CNTN4: variants seen among roughly 807,000 people sequenced by gnomAD.
The protein encoded by CNTN4 is contactin-4.
A neutral mutation model predicts 122.5 loss-of-function variants in CNTN4; 77 were observed. The ratio of observed to expected loss-of-function variants is 0.63; its 90% confidence interval spans 0.52 to 0.76. The LOEUF is 0.76. CNTN4 is among the 30% of genes least tolerant of loss of function. The probability of loss-of-function intolerance (pLI) is 0.00; values close to 1 mark genes in which losing one functional copy is unlikely to be tolerated. For synonymous variants in CNTN4, 512 were observed against 447.0 expected, an observed-to-expected ratio of 1.15 and a Z score of -1.83; for missense variants, 1,256 against 1,259.1, an observed-to-expected ratio of 1.00 and a Z score of 0.04.
rs535659732 is a variant in CNTN4 at position 2,427,292 on chromosome 3, A to C, written c.-89+88059A>C. 1.6e-3 allele frequency among the ~76,000 whole-genome samples: 238 copies of C among 152,304 alleles called. 1 individual carries two copies. Among genetic ancestry groups the C allele is most frequent in the African/African-American group, 5.3e-3 (222 of 41,562 alleles). On this transcript the variant is annotated intron_variant, in intron 3 of 24. Coordinates refer to ENST00000418658, the MANE Select transcript of CNTN4 (RefSeq NM_175607.3). The stretch of plus-strand genomic sequence containing the variant: ...TTGTGTCTTTGTTCTCATTGGTTTC[A>C]AAGAACATCTTTATTTCTGCCTTCA...
chr3:2,826,317 G>A (rs1373014597), intron 7 of CNTN4, among the ~76,000 whole-genome samples: 1 of 152,102 alleles, frequency 6.6e-6, no homozygotes, highest in African/African-American at 2.4e-5. Flanking sequence ...TTGAGTCCCT[G>A]CATTACAAAA....
intron 2 of CNTN4, among the ~76,000 whole-genome samples, chr3:2,212,272 A>T (rs1184140735): frequency 1.3e-5 from 2 of 151,812 alleles, no homozygotes; most frequent in Non-Finnish European, 2.9e-5. Context: ...ACCACATCAG[A>T]CCTCCTCATC....
intron 2 of CNTN4, among the ~76,000 whole-genome samples, chr3:2,250,628 G>A (rs1422007420): frequency 1.3e-5 from 2 of 151,876 alleles, no homozygotes; most frequent in African/African-American, 2.4e-5. Context: ...ACATCACTAT[G>A]TGGGAAATAA....
intron 13 of CNTN4, among the ~76,000 whole-genome samples, chr3:2,983,746 T>C (rs1306845472): frequency 1.3e-5 from 2 of 152,218 alleles, no homozygotes; most frequent in Non-Finnish European, 2.9e-5. Flanking sequence ...GACAGTTTAG[T>C]TCCAGAGTTT....
intron 2 of CNTN4, among the ~76,000 whole-genome samples, chr3:2,276,787 G>C (rs1263108789): frequency 6.6e-6 from 1 of 152,044 alleles, no homozygotes; most frequent in Non-Finnish European, 1.5e-5. Context: ...GTGGTGGCGC[G>C]TGCTTGTGAT....
chr3:3,009,504 G>A (rs1277918913), intron 14 of CNTN4, among the ~76,000 whole-genome samples: 1 of 151,374 alleles, frequency 6.6e-6, no homozygotes, highest in Non-Finnish European at 1.5e-5. Context: ...CGCGATCTCA[G>A]CTCACTGCAA....
chr3:2,408,688 A>G (rs1033801827), intron 3 of CNTN4, among the ~76,000 whole-genome samples: 4 of 152,192 alleles, frequency 2.6e-5, no homozygotes. Flanking sequence ...AATATGTGCT[A>G]TCTCATAACT....
chr3:2,122,136 C>T (rs1340962032), intron 2 of CNTN4, among the ~76,000 whole-genome samples: 1 of 144,314 alleles, frequency 6.9e-6, no homozygotes, highest in Non-Finnish European at 1.5e-5. Flanking sequence ...GCCTGGGCGA[C>T]AGAGCGACAC....
At chr3:2,196,338 G>A (rs193089690) in intron 2 of CNTN4, among the ~76,000 whole-genome samples, 253 of 152,234 alleles carry the variant, frequency 1.7e-3, no homozygotes, top group Middle Eastern at 6.8e-3. Context: ...ACCCTACTGT[G>A]AATCCTGGCT....
chr3:2,976,467 G>A (rs951487151), intron 13 of CNTN4, among the ~76,000 whole-genome samples: 4 of 151,968 alleles, frequency 2.6e-5, no homozygotes, highest in African/African-American at 9.7e-5. Flanking sequence ...TATCTCTAAG[G>A]GAACTTTGTC....
chr3:2,848,714 G>A (rs2093496978), intron 7 of CNTN4, among the ~76,000 whole-genome samples: 2 of 152,162 alleles, frequency 1.3e-5, no homozygotes, highest in Non-Finnish European at 2.9e-5. Flanking sequence ...GTAACTCAGC[G>A]GGAAGGAGAA....
intron 3 of CNTN4, among the ~76,000 whole-genome samples, chr3:2,487,116 A>T (rs1475415592): frequency 6.6e-6 from 1 of 152,182 alleles, no homozygotes; most frequent in Admixed American, 6.5e-5. Context: ...AGTTTGTAAG[A>T]ACACTGCTAA....
chr3:2,611,779 G>C (rs1371525631), intron 4 of CNTN4, among the ~76,000 whole-genome samples: 1 of 152,098 alleles, frequency 6.6e-6, no homozygotes, highest in African/African-American at 2.4e-5. Flanking sequence ...GGTTGGTGAG[G>C]AGACTAGCCA....
At chr3:2,185,948 T>C (rs2037233247) in intron 2 of CNTN4, among the ~76,000 whole-genome samples, 1 of 152,206 alleles carries the variant, frequency 6.6e-6, no homozygotes, top group South Asian at 2.1e-4. Flanking sequence ...TTTATTATTA[T>C]ACTTTAAGTT....
intron 4 of CNTN4, among the ~76,000 whole-genome samples, chr3:2,734,480 A>G (rs569687288): frequency 2.6e-5 from 4 of 152,254 alleles, no homozygotes; most frequent in Non-Finnish European, 2.9e-5. Context: ...TGGAGTTAGT[A>G]TTTGACCCAA....
chr3:2,779,058 CA>C (rs2091462339), intron 6 of CNTN4, among the ~76,000 whole-genome samples: 2 of 152,248 alleles, frequency 1.3e-5, no homozygotes, highest in South Asian at 2.1e-4. Flanking sequence ...AAATGATCAA[CA>C]AAGTAATTGT....
At chr3:2,978,663 C>T (rs1443628667) in intron 13 of CNTN4, among the ~76,000 whole-genome samples, 1 of 152,188 alleles carries the variant, frequency 6.6e-6, no homozygotes, top group Non-Finnish European at 1.5e-5. Flanking sequence ...ATGACAGGCT[C>T]GCTGACACGT....
In CNTN4 at chr3:2,806,193, G is replaced by A. The variant is rs759431526; in HGVS notation, c.359-13293G>A. Among the ~76,000 whole-genome samples, 10 of 152,142 alleles carry A rather than the reference G, an allele frequency of 6.6e-5. No homozygotes were observed. The South Asian group carries it at 1.0e-3, about 16-fold the overall frequency. On this transcript the variant is annotated intron_variant, in intron 6 of 24. Coordinates refer to ENST00000418658, the MANE Select transcript of CNTN4 (RefSeq NM_175607.3). ...TGGGATTACAGGCGTGAGCCACCGC[G>A]CCCAGCCTCTCATAGCACTTTCTTA...
chr3:2,515,473 T>G (rs1006448077), intron 3 of CNTN4, among the ~76,000 whole-genome samples: 1 of 152,162 alleles, frequency 6.6e-6, no homozygotes, highest in African/African-American at 2.4e-5. Context: ...CTGTAAGAAA[T>G]TGTCTTGCCA....
Sources: allele counts gnomAD v4.1 joint callset (sites outside exome capture counted in the v4.1 genomes callset), GRCh38; gene constraint gnomAD v4.1.1; transcripts MANE v1.5; gene names NCBI Gene and HGNC (gene_info 2026-07-23, HGNC 2026-07-21).